Variants in MAPT observed in about 807,000 individuals in gnomAD.
The protein encoded by MAPT is microtubule associated protein tau.
In MAPT, 34 loss-of-function variants were observed where a neutral mutation model predicts 67.9. The observed-to-expected ratio is 0.50, with a 90% confidence interval of 0.38 to 0.67. The LOEUF (loss-of-function observed/expected upper bound fraction) is 0.67, where lower values mean the gene tolerates loss of function less well. Among genes scored for constraint, MAPT ranks in the 30% least tolerant of loss-of-function variants. MAPT has a pLI of 0.00. For synonymous variants in MAPT, 456 were observed against 464.5 expected (o/e 0.98, Z 0.23); for missense variants, 881 against 1,115.2 (o/e 0.79, Z 2.99).
chr17:45,978,126 A>G (rs2072564712), intron 3 of MAPT: 2 of 540,482 alleles, frequency 3.7e-6, no homozygotes, highest in South Asian at 2.1e-5. Flanking sequence ...AAGTGGAGAA[A>G]GTCTTTCCTA....
chr17:45,910,060 C>T (rs1269315631), intron 1 of MAPT, among the ~76,000 whole-genome samples: 1 of 151,948 alleles, frequency 6.6e-6, no homozygotes, highest in African/African-American at 2.4e-5. Flanking sequence ...AATAATAAAT[C>T]TGAGTCACTT....
chr17:45,920,340 T>C (rs2065581452), intron 1 of MAPT, among the ~76,000 whole-genome samples: 1 of 152,202 alleles, frequency 6.6e-6, no homozygotes, highest in African/African-American at 2.4e-5. Context: ...GTCCTCTCAT[T>C]TCTTCACCAT....
rs529359966 is a variant in MAPT at position 45,998,352 on chromosome 17, G to C, written c.1998+1688G>C. The stretch of plus-strand genomic sequence containing the variant: ...TAAAAGGGACGCATGTGTAGACCCT[G>C]CCTCTGTGCATCAGGCCTCTTTTGA... On this transcript the variant is annotated intron_variant, in intron 9 of 12. Coordinates refer to ENST00000262410, the MANE Select transcript of MAPT (RefSeq NM_001377265.1). Among the ~76,000 whole-genome samples, 15 of 152,284 alleles carry C rather than the reference G, an allele frequency of 9.9e-5. 1 individual carries two copies. The South Asian group carries it at 3.1e-3, about 32-fold the overall frequency.
intron 10 of MAPT, among the ~76,000 whole-genome samples, chr17:46,012,931 A>G (rs1354939819): frequency 6.6e-6 from 1 of 151,864 alleles, no homozygotes; most frequent in Non-Finnish European, 1.5e-5. Flanking sequence ...CCTGTCCCCC[A>G]ACGTCCTTGC....
In MAPT at chr17:45,953,697, G is replaced by T. The variant is rs1484438521; in HGVS notation, c.-17-8624G>T. Among the ~76,000 whole-genome samples the T allele has an allele frequency of 2.6e-5, 4 of 152,174 alleles. 1 individual carries two copies. Among genetic ancestry groups the T allele is most frequent in the Non-Finnish European group, 4.4e-5 (3 of 68,026 alleles). On this transcript the variant is annotated intron_variant, in intron 1 of 12. Transcript: ENST00000262410. ...TCTAGCCCTGCAGGGATGGTGGAGGGGGAGGGGAAGGAGGGATCTTTATTG... is the reference window on the plus strand; with the variant it reads ...TCTAGCCCTGCAGGGATGGTGGAGGTGGAGGGGAAGGAGGGATCTTTATTG...
chr17:46,021,294 G>A (rs114406096), intron 12 of MAPT, among the ~76,000 whole-genome samples: 5 of 152,210 alleles, frequency 3.3e-5, no homozygotes, highest in East Asian at 1.9e-4. Flanking sequence ...GTGAGAAAAC[G>A]AGGAGGGACC....
chr17:45,984,070 G>A (rs763180738), intron 5 of MAPT, 140 bp downstream of exon 5: 32 of 746,034 alleles, frequency 4.3e-5, no homozygotes, highest in Non-Finnish European at 6.4e-5. Flanking sequence ...CGACACCTGG[G>A]TGCAGCTGCT....
intron 4 of MAPT, 40 bp from the exon 5 acceptor site, chr17:45,982,826 C>A: frequency 2.6e-6 from 3 of 1,151,372 alleles, no homozygotes; most frequent in Non-Finnish European, 3.3e-6. Flanking sequence ...GATTAATGCG[C>A]CCTTGCTAAC....
At position 46,024,264 on chromosome 17, in the gene MAPT, C is replaced by T. The variant is rs1159392983; in HGVS notation, c.*93C>T. 1.8e-6 allele frequency: 2 copies of T among 1,126,698 alleles called. No homozygotes were observed. Among genetic ancestry groups the T allele is most frequent in the Non-Finnish European group, 1.3e-6 (1 of 764,352 alleles). The allele number at this position is 1,126,698 out of a possible 1,614,324, so 69.8% of individuals were successfully genotyped here. ...AATGACCCGGCCCCCGCCCTCTGCC[C>T]CCAGCTGCTCCTCGCAGTTCGGTTA... is the stretch of plus-strand genomic sequence containing the variant. On this transcript the variant is annotated 3_prime_UTR_variant, in exon 13 of 13. Coordinates refer to ENST00000262410, the MANE Select transcript of MAPT (RefSeq NM_001377265.1).
chr17:45,989,990 G>T lies in MAPT; in HGVS notation c.1520G>T (p.Cys507Phe). The change falls in exon 7 of 13, where the codon TGC becomes TTC. Residue 507 changes from cysteine (C) to phenylalanine (F), a missense_variant. Coordinates refer to ENST00000262410, the MANE Select transcript of MAPT (RefSeq NM_001377265.1). The stretch of plus-strand genomic sequence containing the variant: ...ATCCAACCCTCCAGCCCTGCTGTGT[G>T]CCCAGAGCCACCTTCCTCTCCTAAA... ...PLIQPSSPAV[C>F]PEPPSSPKYV... The T allele has an allele frequency of 6.2e-7, 1 of 1,614,158 alleles. No individual in the cohort carries two copies. The highest frequency in any genetic ancestry group is 8.5e-7 in the Non-Finnish European group (1 of 1,180,034).
chr17:46,003,646 T>G (rs2075201867), intron 9 of MAPT, among the ~76,000 whole-genome samples: 1 of 152,138 alleles, frequency 6.6e-6, no homozygotes, highest in Non-Finnish European at 1.5e-5. Context: ...TGTAGAACAT[T>G]TATGTGGAAT....
At position 45,983,012 on chromosome 17, in the gene MAPT, G is replaced by A. The variant is rs1361170686; in HGVS notation, c.433G>A (p.Val145Ile). Residue 145 changes from valine (V) to isoleucine (I), a missense_variant, in exon 5 of 13, where the codon GTC becomes ATC. Physicochemically the swap from Val to Ile is conservative, Grantham distance 29. Around this residue, in one of 6 missense-constraint regions of MAPT, gnomAD observed 687 missense variants for 766.1 expected, o/e 0.90. Coordinates refer to ENST00000262410, the MANE Select transcript of MAPT (RefSeq NM_001377265.1). The part of the protein sequence containing the change: ...CLGEKEPEAP[V>I]PLTASLPQHR... Reference sequence around the variant, plus strand: ...CGGGGAGAAAGAGCCAGAAGCTCCCGTCCCGCTGACCGCGAGCCTTCCTCA... The same window carrying A: ...CGGGGAGAAAGAGCCAGAAGCTCCCATCCCGCTGACCGCGAGCCTTCCTCA... 2 of 1,460,828 alleles carry A rather than the reference G, an allele frequency of 1.4e-6. No homozygotes were observed. Among genetic ancestry groups the A allele is most frequent in the Non-Finnish European group, 9.0e-7 (1 of 1,106,140 alleles). 90.5% of individuals were successfully genotyped at this position (1,460,828 alleles called of 1,614,324 possible).
intron 7 of MAPT, among the ~76,000 whole-genome samples, chr17:45,990,919 G>C (rs960001505): frequency 2.0e-5 from 3 of 152,194 alleles, no homozygotes; most frequent in Non-Finnish European, 4.4e-5. Context: ...CTCCTCGGGT[G>C]CTCGCCTGGT....
rs781076528 is a variant in MAPT, at chr17:45,962,399, G to A, written c.62G>A (p.Gly21Glu). Residue 21 changes from glycine to glutamate, a missense_variant, in exon 2 of 13, where the codon GGG becomes GAG. Physicochemically the swap from Gly to Glu is moderately conservative, Grantham distance 98 (BLOSUM62 -2). Transcript: ENST00000262410. ...GATCACGCTGGGACGTACGGGTTGG[G>A]GGACAGGAAAGATCAGGGGGGCTAC... is the stretch of plus-strand genomic sequence containing the variant. ...MEDHAGTYGL[G>E]DRKDQGGYTM... The A allele has an allele frequency of 6.2e-6, 10 of 1,612,618 alleles. No individual in the cohort carries two copies. The highest frequency in any genetic ancestry group is 7.6e-6 in the Non-Finnish European group (9 of 1,179,970).
chr17:45,941,341 T>C (rs2067832020), intron 1 of MAPT, among the ~76,000 whole-genome samples: 1 of 152,164 alleles, frequency 6.6e-6, no homozygotes, highest in South Asian at 2.1e-4. Context: ...TGATGGTCTT[T>C]TCTTAAGGCT....
intron 6 of MAPT, among the ~76,000 whole-genome samples, chr17:45,987,359 C>A (rs1001335239): frequency 2.6e-5 from 4 of 152,120 alleles, no homozygotes; most frequent in African/African-American, 9.7e-5. Flanking sequence ...TCAGTGAGAC[C>A]CTGACAGTAA....
chr17:45,956,548 T>TTATATATA (rs57223421), intron 1 of MAPT, among the ~76,000 whole-genome samples: 3 of 95,254 alleles, frequency 3.1e-5, no homozygotes, highest in African/African-American at 1.2e-4. Flanking sequence ...GCAGGTTCTT[T>TTATATATA]TATATATATA....
intron 4 of MAPT, 59 bp downstream of exon 4, chr17:45,978,499 G>T: frequency 7.8e-7 from 1 of 1,287,864 alleles, no homozygotes; most frequent in Non-Finnish European, 1.1e-6. Flanking sequence ...ACATGGGGTG[G>T]GCTCTGCCCT....
intron 9 of MAPT, among the ~76,000 whole-genome samples, chr17:46,009,681 C>T (rs1479611076): frequency 6.6e-6 from 1 of 152,214 alleles, no homozygotes; most frequent in Non-Finnish European, 1.5e-5. Flanking sequence ...TGTGTCCTGC[C>T]TACGGGGTCA....
Sources: gnomAD v4.1 joint callset for allele counts (sites outside exome capture counted in the v4.1 genomes callset) on GRCh38, gnomAD v4.1.1 for gene constraint, gnomAD v4.1.1 regional missense constraint, MANE v1.5 for transcripts, NCBI Gene and HGNC (gene_info 2026-07-23, HGNC 2026-07-21) for gene names.